The following DOP1B variants were observed in gnomAD, a reference collection of about 807,000 sequenced individuals.
DOP1B encodes the protein DOP1 leucine zipper like protein B, also known as protein DOP1B.
In DOP1B, 174 loss-of-function variants were observed where a neutral mutation model predicts 233.5. That is an observed-to-expected ratio of 0.75 (90% CI 0.66 to 0.85). The LOEUF (loss-of-function observed/expected upper bound fraction) is 0.85, where lower values mean the gene tolerates loss of function less well. Among genes scored for constraint, DOP1B ranks in the 40% least tolerant of loss-of-function variants. The pLI is 0.00. For missense variants in DOP1B, 2,652 were observed against 2,846.6 expected, an observed-to-expected ratio of 0.93 and a Z score of 1.56; for synonymous variants, 1,190 against 1,185.6, an observed-to-expected ratio of 1.00 and a Z score of -0.08.
At chr21:36,217,716 C>G (rs532778311) in intron 9 of DOP1B, among the ~76,000 whole-genome samples, 31 of 152,296 alleles carry the variant, frequency 2.0e-4, no homozygotes, top group Non-Finnish European at 2.9e-4. Context: ...CCCATCTGCC[C>G]GCTCCCACCT....
chr21:36,169,221 CA>C, intron 2 of DOP1B: 1 of 1,010,704 alleles, frequency 9.9e-7, no homozygotes. Flanking sequence ...CCATAGTGGA[CA>C]AAGCCACCCA....
rs1305878561 is a variant in DOP1B at position 36,277,076 on chromosome 21, G to A, written c.5688G>A (p.Val1896=). Residue 1896 remains valine (V), a synonymous_variant, in exon 28 of 37, where the codon GTG becomes GTA. Transcript: ENST00000691173. ...CATCCGCCCCGTCGGTGTACAGCGT[G>A]CAAGCCCTCTCTCTCCTGGCAGAGG... ...VSSSAPSVYS[V]QALSLLAEVL... is the part of the protein sequence containing the mutation. The A allele has an allele frequency of 1.9e-6, 3 of 1,614,116 alleles. No individual in the cohort carries two copies. Among genetic ancestry groups the A allele is most frequent in the Admixed American group, 3.3e-5 (2 of 59,992 alleles).
At chr21:36,190,372 C>T (rs2066217949) in intron 2 of DOP1B, among the ~76,000 whole-genome samples, 1 of 151,152 alleles carries the variant, frequency 6.6e-6, no homozygotes, top group South Asian at 2.1e-4. Context: ...AAAACATGGC[C>T]ATTTTTCCTG....
chr21:36,214,497 A>C lies in DOP1B; in HGVS notation c.1070A>C (p.His357Pro). Residue 357 changes from histidine to proline, a missense_variant, in exon 9 of 37, where the codon CAT becomes CCT. Around this residue, in one of 3 missense-constraint regions of DOP1B, gnomAD observed 2,617 missense variants for 2,794.3 expected, o/e 0.94. Transcript: ENST00000691173. ...KFIDADVEER[H>P]HAYLKPFRVL... ...ATAGATGCTGACGTGGAGGAACGCC[A>C]TCATGCATACCTGAAGCCTTTTCGC... 6.2e-7 allele frequency: 1 copy of C among 1,614,018 alleles called. No individual in the cohort carries two copies. The highest frequency in any genetic ancestry group is 8.5e-7 in the Non-Finnish European group (1 of 1,179,996).
At chr21:36,273,880 C>T (rs1021108149) in intron 27 of DOP1B, among the ~76,000 whole-genome samples, 1 of 152,064 alleles carries the variant, frequency 6.6e-6, no homozygotes, top group Non-Finnish European at 1.5e-5. Flanking sequence ...TCGAGACCAT[C>T]CTGGCTAACA....
In DOP1B at chr21:36,230,701, C is replaced by G; in HGVS notation, c.1917C>G (p.Ser639Arg). ...CIQELIANFA[S>R]KNIFGVQLTA... Reference sequence around the variant, plus strand: ...AAGAGCTAATCGCCAACTTTGCCAGCAAGAACATTTTTGGAGTACAGCTGA... The same window carrying G: ...AAGAGCTAATCGCCAACTTTGCCAGGAAGAACATTTTTGGAGTACAGCTGA... The change falls in exon 14 of 37, where the codon AGC becomes AGG. Residue 639 changes from serine (S) to arginine (R), a missense_variant. Around this residue, in one of 3 missense-constraint regions of DOP1B, gnomAD observed 2,617 missense variants for 2,794.3 expected, o/e 0.94. Coordinates refer to ENST00000691173, the MANE Select transcript of DOP1B (RefSeq NM_001320714.2). The G allele has an allele frequency of 6.2e-7, 1 of 1,614,148 alleles. No individual in the cohort carries two copies. Among genetic ancestry groups the G allele is most frequent in the Non-Finnish European group, 8.5e-7 (1 of 1,180,048 alleles).
At chr21:36,283,546 T>C (rs1432441310) in intron 32 of DOP1B, among the ~76,000 whole-genome samples, 1 of 152,226 alleles carries the variant, frequency 6.6e-6, no homozygotes, top group East Asian at 1.9e-4. Context: ...TTAAGAAACA[T>C]GAAAGAAAAC....
At chr21:36,222,856 C>T (rs2066642255) in intron 10 of DOP1B, among the ~76,000 whole-genome samples, 1 of 152,004 alleles carries the variant, frequency 6.6e-6, no homozygotes, top group Admixed American at 6.6e-5. Context: ...CCACTTCAGC[C>T]TCCTGAGTAC....
Position 36,182,324 on chromosome 21 carries a change from G to C in DOP1B, c.139-16746G>C, listed in dbSNP as rs548375330. ...GGGATCAGGTGGTGATGCGCTGCAGGGTGGGGGCCCCAGCAGTAAATGTTA... is the reference window on the plus strand; with the variant it reads ...GGGATCAGGTGGTGATGCGCTGCAGCGTGGGGGCCCCAGCAGTAAATGTTA... On this transcript the variant is annotated intron_variant, in intron 2 of 36. Transcript: ENST00000691173. Among the ~76,000 whole-genome samples, 37 of 152,042 alleles carry C rather than the reference G, an allele frequency of 2.4e-4. No individual in the cohort carries two copies. The South Asian group carries it at 4.6e-3, about 19-fold the overall frequency.
In DOP1B at chr21:36,260,244, A is replaced by G. The variant is rs199679878; in HGVS notation, c.5260-433A>G. Among the ~76,000 whole-genome samples the G allele has an allele frequency of 1.4e-4, 18 of 126,712 alleles. No homozygotes were observed. The East Asian group carries it at 1.8e-3, about 13-fold the overall frequency. 83.1% of individuals were successfully genotyped at this position (126,712 alleles called of 152,430 possible). A position where few individuals can be genotyped will look rare whatever the true frequency, so the allele number is the denominator to read the frequency against. On this transcript the variant is annotated intron_variant, in intron 23 of 36. Coordinates refer to ENST00000691173, the MANE Select transcript of DOP1B (RefSeq NM_001320714.2). ...GAAGGGAAGGGGAAGGGAAGGGAGG[A>G]AGGGAGGGAGGAAGGAAGGAAGGAA... is the stretch of plus-strand genomic sequence containing the variant.
Position 36,245,283 on chromosome 21 carries a change from C to T in DOP1B, c.3303C>T (p.His1101=), listed in dbSNP as rs762274975. 25 of 1,613,988 alleles carry T rather than the reference C, an allele frequency of 1.5e-5. No homozygotes were observed. The East Asian group carries it at 3.6e-4, about 23-fold the overall frequency. Residue 1101 remains histidine (H), a synonymous_variant, in exon 19 of 37, where the codon CAC becomes CAT. Coordinates refer to ENST00000691173, the MANE Select transcript of DOP1B (RefSeq NM_001320714.2). This position sits in a 1 kb window ranked among gnomAD's most constrained non-coding sequence, Gnocchi z 5.5. ...YYVELPDRTA[H]GAPDSSEHTE... Reference sequence around the variant, plus strand: ...TGGAGCTTCCAGACAGGACGGCCCACGGCGCCCCGGACAGCAGCGAGCACA... The same window carrying T: ...TGGAGCTTCCAGACAGGACGGCCCATGGCGCCCCGGACAGCAGCGAGCACA...
chr21:36,256,217 T>C (rs985057980), intron 23 of DOP1B, among the ~76,000 whole-genome samples: 8 of 152,094 alleles, frequency 5.3e-5, no homozygotes, highest in Admixed American at 2.6e-4. Flanking sequence ...CCTGTAGTCC[T>C]AGCACTTTAG....
chr21:36,258,979 T>G (rs1320078886), intron 23 of DOP1B, among the ~76,000 whole-genome samples: 3 of 149,236 alleles, frequency 2.0e-5, no homozygotes, highest in Non-Finnish European at 4.5e-5. Flanking sequence ...ACTGTTTTTT[T>G]TTTTTTTTTT....
chr21:36,200,651 G>A (rs1204080303), intron 4 of DOP1B, 150 bp downstream of exon 4: 1 of 990,410 alleles, frequency 1.0e-6, no homozygotes, highest in Non-Finnish European at 1.4e-6. Context: ...AGACCATCCT[G>A]GCTAACACGA....
intron 18 of DOP1B, among the ~76,000 whole-genome samples, chr21:36,243,942 C>A (rs190454627): frequency 6.6e-6 from 1 of 150,788 alleles, no homozygotes; most frequent in African/African-American, 2.4e-5. Flanking sequence ...GCCTCCCAAA[C>A]AATCCTCCTA....
chr21:36,176,103 T>TATGTGTGTGTGTGTGTGTGTGTGC (rs1029236168), intron 2 of DOP1B, among the ~76,000 whole-genome samples: 2 of 142,038 alleles, frequency 1.4e-5, no homozygotes, highest in East Asian at 4.0e-4. Flanking sequence ...TGTGCGTGTG[T>TATGTGTGTGTGTGTGTGTGTGTGC]GTGTGTGTGT....
intron 24 of DOP1B, chr21:36,261,841 G>A: frequency 1.8e-6 from 1 of 542,656 alleles, no homozygotes; most frequent in Non-Finnish European, 2.3e-6. Flanking sequence ...AACCCAGGAG[G>A]CAGAGGTTGC....
intron 2 of DOP1B, among the ~76,000 whole-genome samples, chr21:36,183,491 G>A (rs2066125793): frequency 1.3e-5 from 2 of 152,242 alleles, no homozygotes; most frequent in Non-Finnish European, 2.9e-5. Context: ...TCTTCTGCAG[G>A]CTGACGTGGA....
intron 23 of DOP1B, among the ~76,000 whole-genome samples, chr21:36,260,205 G>A (rs2067152998): frequency 6.8e-6 from 1 of 147,094 alleles, no homozygotes; most frequent in African/African-American, 2.5e-5. Flanking sequence ...AAAAAGGAAA[G>A]GGAAGGGAAG....
Sources: gnomAD v4.1 joint callset for allele counts (sites outside exome capture counted in the v4.1 genomes callset) on GRCh38, gnomAD v4.1.1 for gene constraint, gnomAD v4.1.1 regional missense constraint, Gnocchi (gnomAD v3.1) non-coding constraint, MANE v1.5 for transcripts, NCBI Gene and HGNC (gene_info 2026-07-23, HGNC 2026-07-21) for gene names.